Variants in PDE4D observed in about 807,000 individuals in gnomAD.
The protein encoded by PDE4D is 3',5'-cyclic-AMP phosphodiesterase 4D.
A neutral mutation model predicts 87.4 loss-of-function variants in PDE4D; 24 were observed. That is an observed-to-expected ratio of 0.27 (90% CI 0.20 to 0.39). The LOEUF (loss-of-function observed/expected upper bound fraction) is 0.39, where lower values mean the gene tolerates loss of function less well. Ranked by LOEUF, PDE4D falls within the 10% of genes least tolerant of loss-of-function variation. The pLI, the probability that PDE4D is intolerant of heterozygous loss-of-function variation, is 1.00. For missense variants in PDE4D, 714 were observed against 1,041.0 expected (o/e 0.69, Z 4.32); for synonymous variants, 384 against 383.2 (o/e 1.00, Z -0.02).
At chr5:59,712,768 AG>A (rs1011413243) in intron 1 of PDE4D, among the ~76,000 whole-genome samples, 1 of 152,240 alleles carries the variant, frequency 6.6e-6, no homozygotes, top group African/African-American at 2.4e-5. Context: ...GGTTCTGAGC[AG>A]GGGCCCAAGA....
In PDE4D at chr5:59,018,724, GTGT is replaced by G. The variant is rs1052878130; in HGVS notation, c.921+20132_921+20134del. 6.4e-4 allele frequency among the ~76,000 whole-genome samples: 98 copies of G among 152,154 alleles called. 1 individual carries two copies. The highest frequency in any genetic ancestry group is 2.3e-3 in the African/African-American group (95 of 41,510). ...AATAAGGTTCTAATAATTCACAAAA[GTGT>G]TGTTCCCTAAAACCCATAATAAACA... On this transcript the variant is annotated intron_variant, in intron 6 of 14. Transcript: ENST00000340635.
intron 5 of PDE4D, among the ~76,000 whole-genome samples, chr5:59,077,624 C>T (rs928244940): frequency 4.6e-5 from 7 of 151,932 alleles, no homozygotes; most frequent in African/African-American, 1.2e-4. Context: ...CACGCCACCA[C>T]GCCTGGCTAA....
chr5:59,093,915 T>A (rs191690023), intron 5 of PDE4D, among the ~76,000 whole-genome samples: 17 of 152,112 alleles, frequency 1.1e-4, no homozygotes, highest in African/African-American at 3.9e-4. Flanking sequence ...TAAGAACATA[T>A]ACCATTAAAA....
intron 2 of PDE4D, among the ~76,000 whole-genome samples, chr5:60,078,789 A>G (rs1345602160): frequency 6.6e-6 from 1 of 152,122 alleles, no homozygotes; most frequent in African/African-American, 2.4e-5. Context: ...TCTATCATTG[A>G]TGGGCATTTG....
chr5:59,380,388 CAA>C (rs10574102), intron 1 of PDE4D, among the ~76,000 whole-genome samples: 8,088 of 108,790 alleles, frequency 0.074, 705 homozygotes, highest in African/African-American at 0.25. Context: ...CAAAAGCAAT[CAA>C]AAAAAAAAAA....
intron 1 of PDE4D, among the ~76,000 whole-genome samples, chr5:59,617,035 T>C (rs1038459107): frequency 7.3e-5 from 11 of 150,660 alleles, no homozygotes; most frequent in Admixed American, 6.0e-4. Context: ...CATCAGATTT[T>C]CTTGTCTCCA....
At chr5:59,817,137 G>A (rs1295058209) in intron 1 of PDE4D, among the ~76,000 whole-genome samples, 1 of 152,180 alleles carries the variant, frequency 6.6e-6, no homozygotes, top group Non-Finnish European at 1.5e-5. Flanking sequence ...TGATAGGCAG[G>A]GCACCTAAAT....
rs534131102 is a variant in PDE4D at position 59,719,810 on chromosome 5, C to T, written c.455+173358G>A. Among the ~76,000 whole-genome samples the T allele has an allele frequency of 2.0e-5, 3 of 152,318 alleles. No homozygotes were observed. The East Asian group carries it at 5.8e-4, about 29-fold the overall frequency. ...ATTTTAGAGATCATCTGATCCAACCCTTCCTAAGACTAGCCATGACAACTA... is the reference window on the plus strand; with the variant it reads ...ATTTTAGAGATCATCTGATCCAACCTTTCCTAAGACTAGCCATGACAACTA... On this transcript the variant is annotated intron_variant, in intron 1 of 14. Coordinates refer to ENST00000340635, the MANE Select transcript of PDE4D (RefSeq NM_001104631.2).
At chr5:60,105,211 G>A (rs1776742293) in intron 2 of PDE4D, among the ~76,000 whole-genome samples, 1 of 152,214 alleles carries the variant, frequency 6.6e-6, no homozygotes. Flanking sequence ...ACTACGTGAA[G>A]AATGCAGAAG....
intron 1 of PDE4D, among the ~76,000 whole-genome samples, chr5:60,342,140 C>T (rs1012405769): frequency 2.0e-5 from 3 of 152,196 alleles, no homozygotes; most frequent in Non-Finnish European, 2.9e-5. Context: ...AGTGAGATGA[C>T]TTGATACTTG....
intron 1 of PDE4D, among the ~76,000 whole-genome samples, chr5:59,624,156 A>T (rs1026189096): frequency 8.5e-5 from 13 of 152,108 alleles, no homozygotes; most frequent in African/African-American, 3.1e-4. Context: ...GAAAAATAAG[A>T]TTTTCACTTT....
intron 3 of PDE4D, among the ~76,000 whole-genome samples, chr5:59,962,142 G>A (rs1198114373): frequency 6.6e-6 from 1 of 151,948 alleles, no homozygotes; most frequent in African/African-American, 2.4e-5. Context: ...AAAGCCAAGT[G>A]GTTAAATCAA....
At chr5:60,403,730 T>C (rs1181005232) in intron 1 of PDE4D, among the ~76,000 whole-genome samples, 1 of 152,234 alleles carries the variant, frequency 6.6e-6, no homozygotes, top group African/African-American at 2.4e-5. Context: ...CAGTCTGCTG[T>C]ACTCCACAAC....
intron 2 of PDE4D, among the ~76,000 whole-genome samples, chr5:60,090,171 A>G (rs1445188490): frequency 6.6e-6 from 1 of 152,026 alleles, no homozygotes; most frequent in African/African-American, 2.4e-5. Context: ...ATACTTCTAA[A>G]CTCATCCTAA....
chr5:60,052,547 T>C (rs977531522), intron 2 of PDE4D, among the ~76,000 whole-genome samples: 1 of 152,064 alleles, frequency 6.6e-6, no homozygotes, highest in Non-Finnish European at 1.5e-5. Flanking sequence ...CTCAAAATAG[T>C]AAGAGCTATT....
At chr5:59,698,705 A>G (rs894011746) in intron 1 of PDE4D, among the ~76,000 whole-genome samples, 4 of 152,162 alleles carry the variant, frequency 2.6e-5, no homozygotes, top group African/African-American at 9.7e-5. Context: ...ATTCAAAAGA[A>G]AACCATAATT....
chr5:59,656,659 T>A (rs934037853), intron 1 of PDE4D, among the ~76,000 whole-genome samples: 1 of 152,168 alleles, frequency 6.6e-6, no homozygotes, highest in Non-Finnish European at 1.5e-5. Context: ...GTGTGAGAAC[T>A]GTAGGAAGTT....
intron 1 of PDE4D, among the ~76,000 whole-genome samples, chr5:59,289,570 C>T (rs1212039169): frequency 1.3e-5 from 2 of 152,062 alleles, no homozygotes; most frequent in Middle Eastern, 3.4e-3. Flanking sequence ...AACAGACTCA[C>T]AGCTGGTATC....
intron 1 of PDE4D, among the ~76,000 whole-genome samples, chr5:59,682,822 A>T (rs1248555331): frequency 6.6e-6 from 1 of 152,228 alleles, no homozygotes; most frequent in African/African-American, 2.4e-5. Context: ...GTAGTTTGTT[A>T]TAGCAGCCCA....
Sources: allele counts gnomAD v4.1 joint callset (sites outside exome capture counted in the v4.1 genomes callset), GRCh38; gene constraint gnomAD v4.1.1; transcripts MANE v1.5; gene names NCBI Gene and HGNC (gene_info 2026-07-23, HGNC 2026-07-21).